The following FLT4 variants were observed in gnomAD, a reference collection of about 807,000 sequenced individuals.
FLT4 encodes fms related receptor tyrosine kinase 4.
FLT4 carries 30 observed loss-of-function variants against 163.2 expected under a neutral mutation model. The observed-to-expected ratio is 0.18, with a 90% CI of 0.14 to 0.25. The LOEUF (loss-of-function observed/expected upper bound fraction) is 0.25, where lower values mean the gene tolerates loss of function less well. Among genes scored for constraint, FLT4 ranks in the 10% least tolerant of loss-of-function variants. The pLI, the probability that FLT4 is intolerant of heterozygous loss-of-function variation, is 1.00. For synonymous variants in FLT4, 884 were observed against 789.5 expected (o/e 1.12, Z -2.01); for missense variants, 1,510 against 1,863.8 (o/e 0.81, Z 3.50).
chr5:180,639,872 CCT>C lies in FLT4; in HGVS notation c.59-8096_59-8095del, dbSNP rs1195705313. On this transcript the variant is annotated intron_variant, in intron 1 of 29. Transcript: ENST00000261937. ...TCATCCTGGCCTCTGCTGCGCTCCC[CCT>C]GCCTTCCTGTTCCTGGCCCGGGAAC... Among the ~76,000 whole-genome samples the C allele has an allele frequency of 2.0e-5, 3 of 152,330 alleles. No individual in the cohort carries two copies. The East Asian group carries it at 5.8e-4, about 29-fold the overall frequency.
intron 7 of FLT4, 126 bp from the exon 8 acceptor site, chr5:180,629,125 C>A: frequency 6.9e-7 from 1 of 1,450,582 alleles, no homozygotes. Flanking sequence ...CCATGCCGCC[C>A]GGTGCAGGAG....
In FLT4 at chr5:180,636,590, C is replaced by T. The variant is rs1039992946; in HGVS notation, c.59-4812G>A. On this transcript the variant is annotated intron_variant, in intron 1 of 29. Transcript: ENST00000261937. The surrounding 1 kb of genome is among the most constrained non-coding windows in gnomAD (Gnocchi z 4.3). ...GCTCCTGCCCTTCTCCATGACTTCA[C>T]CATCCACAGGGCTGACTCACCAGCA... 2.9e-4 allele frequency among the ~76,000 whole-genome samples: 44 copies of T among 150,988 alleles called. No homozygotes were observed. The highest frequency in any genetic ancestry group is 4.9e-5 in the African/African-American group (2 of 41,088).
At chr5:180,604,558 G>C (rs1761689604) in intron 29 of FLT4, among the ~76,000 whole-genome samples, 1 of 152,084 alleles carries the variant, frequency 6.6e-6, no homozygotes, top group Admixed American at 6.5e-5. Flanking sequence ...GCCCTCCAAC[G>C]GCTTCCCGTC....
At chr5:180,625,694 C>T (rs545633000) in intron 10 of FLT4, among the ~76,000 whole-genome samples, 175 bp downstream of exon 10, 187 of 152,284 alleles carry the variant, frequency 1.2e-3, no homozygotes, top group African/African-American at 4.2e-3. Context: ...CTCACTCAGG[C>T]GAGGTGAGGC....
At position 180,630,082 on chromosome 5, in the gene FLT4, G is replaced by A. The variant is rs752883158; in HGVS notation, c.537C>T (p.Asp179=). The A allele has an allele frequency of 1.8e-5, 29 of 1,612,736 alleles. No individual in the cohort carries two copies. The South Asian group carries it at 2.3e-4, about 13-fold the overall frequency. ...GGTCATCCCACACCACCTCCTGCCC[G>A]TCTGGCCACAGCACCGAGCTTTGCT... ...LRSQSSVLWP[D]GQEVVWDDRR... Residue 179 remains aspartate, a synonymous_variant, in exon 5 of 30, where the codon GAC becomes GAT. Transcript: ENST00000261937. The surrounding 1 kb of genome is among the most constrained non-coding windows in gnomAD (Gnocchi z 6.3).
At chr5:180,622,260 C>CCATCTCTCAGCTGGTGCCCTGATCTA (rs1763211734) in intron 12 of FLT4, among the ~76,000 whole-genome samples, 1 of 151,154 alleles carries the variant, frequency 6.6e-6, no homozygotes, top group African/African-American at 2.4e-5. Flanking sequence ...CTTTTGGGCT[C>CCATCTCTCAGCTGGTGCCCTGATCTA]CATCTCTCTG....
At position 180,612,609 on chromosome 5, in the gene FLT4, C is replaced by T. The variant is rs954889734; in HGVS notation, c.3434G>A (p.Arg1145His). Residue 1145 changes from arginine (R) to histidine (H), a missense_variant and splice_region_variant, in exon 26 of 30, where the codon CGC becomes CAC. By Grantham distance (29) the Arg-to-His change is conservative. Transcript: ENST00000261937. ...RAPELATPAIRRIMLNCWSGD... is the reference protein window; with the variant it reads ...RAPELATPAIHRIMLNCWSGD... ...GGACCAGCAGTTCAGCATGATGCGG[C>T]GTCTGCAGGATCACGTGGGCTGCTG... 3.7e-6 allele frequency: 6 copies of T among 1,612,050 alleles called. No homozygotes were observed. The highest frequency in any genetic ancestry group is 2.2e-5 in the South Asian group (2 of 91,034).
Position 180,630,480 on chromosome 5 carries a change from G to A in FLT4, c.400+75C>T. 6.2e-7 allele frequency: 1 copy of A among 1,601,184 alleles called. No individual in the cohort carries two copies. Among genetic ancestry groups the A allele is most frequent in the African/African-American group, 1.3e-5 (1 of 74,768 alleles). On this transcript the variant is annotated intron_variant, in intron 3 of 29. Coordinates refer to ENST00000261937, the MANE Select transcript of FLT4 (RefSeq NM_182925.5). This position sits in a 1 kb window ranked among gnomAD's most constrained non-coding sequence, Gnocchi z 6.3. ...CGTTCTCTCCTCCTGCCAGCCCAGG[G>A]TCCACAGGCTGGGGGCGGTGTGGGC...
In FLT4 at chr5:180,623,923, G is replaced by A. The variant is rs779875090; in HGVS notation, c.1548+12C>T. 6.2e-7 allele frequency: 1 copy of A among 1,613,396 alleles called. No homozygotes were observed. The highest frequency in any genetic ancestry group is 1.1e-5 in the South Asian group (1 of 91,080). On this transcript the variant is annotated intron_variant, in intron 11 of 29. Coordinates refer to ENST00000261937, the MANE Select transcript of FLT4 (RefSeq NM_182925.5). The surrounding 1 kb of genome is among the most constrained non-coding windows in gnomAD (Gnocchi z 5.8). ...TTCTCCCTGGGCACTCAGCAGCGCGGCTGGCCTGTACCTTATTCTTTCCCT... is the reference window on the plus strand; with the variant it reads ...TTCTCCCTGGGCACTCAGCAGCGCGACTGGCCTGTACCTTATTCTTTCCCT...
chr5:180,613,298 C>A, intron 24 of FLT4, 188 bp from the exon 25 acceptor site: 1 of 549,256 alleles, frequency 1.8e-6, no homozygotes, highest in Non-Finnish European at 3.2e-6. Context: ...TCGCTGCCCT[C>A]CCCAGCTCTA....
chr5:180,645,362 C>T (rs565642272), intron 1 of FLT4, among the ~76,000 whole-genome samples: 32 of 152,326 alleles, frequency 2.1e-4, no homozygotes, highest in African/African-American at 7.5e-4. Context: ...CTATGCCAGG[C>T]AGTTTCCCCG....
rs374891241 is a variant in FLT4 at position 180,629,435 on chromosome 5, C to T, written c.817-8G>A. ...CCACTTACCCCGCTCTGCCTGCCCG[C>T]ACCCAGGGAAGCCCCGCGTCAGCAG... is the stretch of plus-strand genomic sequence containing the variant. On this transcript the variant is annotated splice_region_variant and splice_polypyrimidine_tract_variant and intron_variant, in intron 6 of 29. Coordinates refer to ENST00000261937, the MANE Select transcript of FLT4 (RefSeq NM_182925.5). 1.9e-6 allele frequency: 3 copies of T among 1,610,478 alleles called. No individual in the cohort carries two copies. The highest frequency in any genetic ancestry group is 2.5e-6 in the Non-Finnish European group (3 of 1,179,914).
At chr5:180,646,261 T>C (rs1765485616) in intron 1 of FLT4, among the ~76,000 whole-genome samples, 1 of 152,112 alleles carries the variant, frequency 6.6e-6, no homozygotes, top group South Asian at 2.1e-4. Flanking sequence ...ACTTCCTCTG[T>C]CCCCACCATC....
At chr5:180,608,334 T>C (rs1183659019) in intron 29 of FLT4, 3 of 700,720 alleles carry the variant, frequency 4.3e-6, no homozygotes, top group Non-Finnish European at 7.8e-6. Context: ...CTTCACCTTA[T>C]CAATCACTTG....
In FLT4 at chr5:180,621,907, G is replaced by A; in HGVS notation, c.1658-3C>T. 1 of 1,613,312 alleles carries A rather than the reference G, an allele frequency of 6.2e-7. No homozygotes were observed. Among genetic ancestry groups the A allele is most frequent in the African/African-American group, 1.3e-5 (1 of 75,034 alleles). On this transcript the variant is annotated splice_polypyrimidine_tract_variant and splice_region_variant and intron_variant, in intron 12 of 29. Transcript: ENST00000261937. ...GATGGTGAAGCCGTCGGGGATGGCTGTGGAGGGAGGAAGAAGCCCTGTGGC... is the reference window on the plus strand; with the variant it reads ...GATGGTGAAGCCGTCGGGGATGGCTATGGAGGGAGGAAGAAGCCCTGTGGC...
chr5:180,645,533 CCGA>C (rs1183422758), intron 1 of FLT4, among the ~76,000 whole-genome samples: 2 of 152,230 alleles, frequency 1.3e-5, no homozygotes, highest in Non-Finnish European at 2.9e-5. Flanking sequence ...TCTCCTGTGG[CCGA>C]CAAGTCCTTT....
At chr5:180,638,295 C>T (rs1471596704) in intron 1 of FLT4, among the ~76,000 whole-genome samples, 2 of 152,158 alleles carry the variant, frequency 1.3e-5, no homozygotes. Flanking sequence ...GACGTGCACC[C>T]CCTCCAGCCC....
intron 19 of FLT4, 27 bp downstream of exon 19, chr5:180,619,226 C>G (rs749296898): frequency 5.2e-6 from 8 of 1,546,780 alleles, no homozygotes; most frequent in East Asian, 2.5e-5. Context: ...GGGGTCTCGC[C>G]GTCCCAGCGG....
At chr5:180,608,693 G>A (rs954857426) in intron 29 of FLT4, among the ~76,000 whole-genome samples, 3 of 152,146 alleles carry the variant, frequency 2.0e-5, no homozygotes, top group Non-Finnish European at 4.4e-5. Context: ...GGTGGGTTAC[G>A]TGTGGTGTCA....
Sources: allele counts gnomAD v4.1 joint callset (sites outside exome capture counted in the v4.1 genomes callset), GRCh38; gene constraint gnomAD v4.1.1; non-coding constraint Gnocchi (gnomAD v3.1); transcripts MANE v1.5; gene names NCBI Gene and HGNC (gene_info 2026-07-23, HGNC 2026-07-21).